Variants in ACOX2 observed in about 807,000 individuals in gnomAD.
The protein encoded by ACOX2 is acyl-CoA oxidase 2.
A neutral mutation model predicts 77.5 loss-of-function variants in ACOX2; 59 were observed. The ratio of observed to expected loss-of-function variants is 0.76; its 90% CI spans 0.62 to 0.95. The LOEUF is 0.95. Ranked by LOEUF, ACOX2 falls within the 40% of genes least tolerant of loss-of-function variation. The pLI is 0.00. For missense variants in ACOX2, 837 were observed against 880.4 expected (o/e 0.95, Z 0.62); for synonymous variants, 317 against 340.1 (o/e 0.93, Z 0.75).
At position 58,531,578 on chromosome 3, in the gene ACOX2, C is replaced by T. The variant is rs1380389820; in HGVS notation, c.703+115G>A. 21 of 1,490,072 alleles carry T rather than the reference C, an allele frequency of 1.4e-5. No homozygotes were observed. The highest frequency in any genetic ancestry group is 1.9e-5 in the Non-Finnish European group (21 of 1,103,520). 92.3% of individuals were successfully genotyped at this position (1,490,072 alleles called of 1,614,324 possible). A position where few individuals can be genotyped will look rare whatever the true frequency, so the allele number is the denominator to read the frequency against. On this transcript the variant is annotated intron_variant, in intron 6 of 14. Transcript: ENST00000302819. The surrounding 1 kb of genome is among the most constrained non-coding windows in gnomAD (Gnocchi z 5.8). ...CAAGTCTGTCCAACTGGACCGCTCC[C>T]TGCCCAAGGGAGACATGTCTTAGCT... is the stretch of plus-strand genomic sequence containing the variant.
chr3:58,505,368 G>T lies in ACOX2; in HGVS notation c.1984-82C>A. ...CTTTCACTTTCAAATTAAGTCTCTA[G>T]CTTCAAAAAGTAACATTACGTAAGA... On this transcript the variant is annotated intron_variant, in intron 14 of 14. Coordinates refer to ENST00000302819, the MANE Select transcript of ACOX2 (RefSeq NM_003500.4). The surrounding 1 kb of genome is among the most constrained non-coding windows in gnomAD (Gnocchi z 4.4). 3 of 1,111,000 alleles carry T rather than the reference G, an allele frequency of 2.7e-6. No homozygotes were observed. Among genetic ancestry groups the T allele is most frequent in the South Asian group, 1.7e-5 (1 of 59,738 alleles). The allele number at this position is 1,111,000 out of a possible 1,614,324, so 68.8% of individuals were successfully genotyped here. A position where few individuals can be genotyped will look rare whatever the true frequency, so the allele number is the denominator to read the frequency against.
intron 12 of ACOX2, among the ~76,000 whole-genome samples, chr3:58,517,792 AGGCTG>A (rs1041265374): frequency 2.6e-5 from 4 of 152,074 alleles, no homozygotes; most frequent in Non-Finnish European, 5.9e-5. Flanking sequence ...AGCTATTTTA[AGGCTG>A]GGCGCGGTGG....
At position 58,512,186 on chromosome 3, in the gene ACOX2, G is replaced by A. The variant is rs1363228893; in HGVS notation, c.1851-3161C>T. On this transcript the variant is annotated intron_variant, in intron 13 of 14. Transcript: ENST00000302819. The surrounding 1 kb of genome is among the most constrained non-coding windows in gnomAD (Gnocchi z 4.8). ...CCTCCTGTAGTCTTCCGCATTTATAGTAAATGGCAGCTCTGCCCTTCTGAC... is the reference window on the plus strand; with the variant it reads ...CCTCCTGTAGTCTTCCGCATTTATAATAAATGGCAGCTCTGCCCTTCTGAC... Among the ~76,000 whole-genome samples, 2 of 152,190 alleles carry A rather than the reference G, an allele frequency of 1.3e-5. No individual in the cohort carries two copies. The highest frequency in any genetic ancestry group is 2.9e-5 in the Non-Finnish European group (2 of 68,034).
chr3:58,531,199 G>T lies in ACOX2; in HGVS notation c.819+52C>A, dbSNP rs557984402. 5 of 1,543,348 alleles carry T rather than the reference G, an allele frequency of 3.2e-6. No individual in the cohort carries two copies. In the African/African-American group the frequency reaches 4.1e-5, roughly 13 times the overall value. On this transcript the variant is annotated intron_variant, in intron 7 of 14. Transcript: ENST00000302819. This position sits in a 1 kb window ranked among gnomAD's most constrained non-coding sequence, Gnocchi z 5.8. ...GACCCAGGCCCAGCCTGCACAAAGC[G>T]CAGGTCCCCTCTCCAGGAAGTACAA...
At position 58,505,193 on chromosome 3, in the gene ACOX2, G is replaced by A. The variant is rs780669263; in HGVS notation, c.*31C>T. On this transcript the variant is annotated 3_prime_UTR_variant, in exon 15 of 15. Transcript: ENST00000302819. This position sits in a 1 kb window ranked among gnomAD's most constrained non-coding sequence, Gnocchi z 4.4. Reference sequence around the variant, plus strand: ...CATAGTACCATTATCACATGATGGTGCTGGTTGCTTCTTGAATACTGTTGG... The same window carrying A: ...CATAGTACCATTATCACATGATGGTACTGGTTGCTTCTTGAATACTGTTGG... 6.3e-6 allele frequency: 10 copies of A among 1,576,548 alleles called. No individual in the cohort carries two copies. The highest frequency in any genetic ancestry group is 1.1e-5 in the South Asian group (1 of 88,582).
rs1318414572 is a variant in ACOX2, at chr3:58,528,089, C to T, written c.1155+705G>A. On this transcript the variant is annotated intron_variant, in intron 9 of 14. Coordinates refer to ENST00000302819, the MANE Select transcript of ACOX2 (RefSeq NM_003500.4). This position sits in a 1 kb window ranked among gnomAD's most constrained non-coding sequence, Gnocchi z 5.6. The stretch of plus-strand genomic sequence containing the variant: ...GGACAGAGGCTGCTGGGCAGCAGGA[C>T]TGCTTTCAGATTTTGGTTCTTGAAG... Among the ~76,000 whole-genome samples, 1 of 152,202 alleles carries T rather than the reference C, an allele frequency of 6.6e-6. No homozygotes were observed. Among genetic ancestry groups the T allele is most frequent in the Non-Finnish European group, 1.5e-5 (1 of 68,032 alleles).
Position 58,512,273 on chromosome 3 carries a change from C to A in ACOX2, c.1851-3248G>T, listed in dbSNP as rs899781818. 2.6e-5 allele frequency among the ~76,000 whole-genome samples: 4 copies of A among 152,230 alleles called. No individual in the cohort carries two copies. Among genetic ancestry groups the A allele is most frequent in the Non-Finnish European group, 5.9e-5 (4 of 68,046 alleles). ...ATCTAATCTGTCAGCAAATCCTGTT[C>A]TGCCTTCAAGATATATTCAAACTTC... On this transcript the variant is annotated intron_variant, in intron 13 of 14. Coordinates refer to ENST00000302819, the MANE Select transcript of ACOX2 (RefSeq NM_003500.4). The surrounding 1 kb of genome is among the most constrained non-coding windows in gnomAD (Gnocchi z 4.8).
chr3:58,524,434 C>G lies in ACOX2; in HGVS notation c.1518G>C (p.Val506=), dbSNP rs752367031. The G allele has an allele frequency of 3.1e-6, 5 of 1,613,000 alleles. No individual in the cohort carries two copies. Among genetic ancestry groups the G allele is most frequent in the Non-Finnish European group, 4.2e-6 (5 of 1,179,076 alleles). ...TCTCAGCACTGGCTTACCTTACTGC[C>G]ACATGTGCCCAGGCCGTGGTGTAGA... ...PELYTTAWAH[V]AVRLIKDSVQ... is the part of the protein sequence containing the mutation. The change falls in exon 11 of 15, where the codon GTG becomes GTC. Residue 506 remains valine, a synonymous_variant. Coordinates refer to ENST00000302819, the MANE Select transcript of ACOX2 (RefSeq NM_003500.4). This position sits in a 1 kb window ranked among gnomAD's most constrained non-coding sequence, Gnocchi z 5.5.
chr3:58,529,109 T>A, intron 8 of ACOX2, 153 bp from the exon 9 acceptor site: 1 of 709,120 alleles, frequency 1.4e-6, no homozygotes, highest in South Asian at 3.0e-5. Flanking sequence ...CCTTTAAAAA[T>A]CCCATCTAAC....
chr3:58,528,701 C>A lies in ACOX2; in HGVS notation c.1155+93G>T. ...GGGAGAGGTGGGGGTGGGGAGTGCCCATGGGGATGGGGCTGTGGCTGCTCC... is the reference window on the plus strand; with the variant it reads ...GGGAGAGGTGGGGGTGGGGAGTGCCAATGGGGATGGGGCTGTGGCTGCTCC... On this transcript the variant is annotated intron_variant, in intron 9 of 14. Transcript: ENST00000302819. The surrounding 1 kb of genome is among the most constrained non-coding windows in gnomAD (Gnocchi z 5.6). 7.0e-7 allele frequency: 1 copy of A among 1,427,378 alleles called. No homozygotes were observed. The highest frequency in any genetic ancestry group is 9.2e-7 in the Non-Finnish European group (1 of 1,082,340). 88.4% of individuals were successfully genotyped at this position (1,427,378 alleles called of 1,614,324 possible). A position where few individuals can be genotyped will look rare whatever the true frequency, so the allele number is the denominator to read the frequency against.
intron 8 of ACOX2, among the ~76,000 whole-genome samples, chr3:58,529,413 C>T (rs2063420567): frequency 6.6e-6 from 1 of 152,186 alleles, no homozygotes; most frequent in Admixed American, 6.5e-5. Context: ...TCTGATGGAA[C>T]CCCAAGGAAG....
In ACOX2 at chr3:58,528,824, A is replaced by G. The variant is rs2063415584; in HGVS notation, c.1125T>C (p.Ile375=). 1.2e-6 allele frequency: 2 copies of G among 1,612,380 alleles called. No individual in the cohort carries two copies. Among genetic ancestry groups the G allele is most frequent in the Non-Finnish European group, 1.7e-6 (2 of 1,179,272 alleles). ...LEFFQHSYTA[I]LNQDFSFLPE... ...GCAGGAAGCTGAAGTCTTGGTTCAG[A>G]ATGGCAGTGTAGGAGTGCTGGAAGA... The change falls in exon 9 of 15, where the codon ATT becomes ATC. Residue 375 remains isoleucine (I), a synonymous_variant. Coordinates refer to ENST00000302819, the MANE Select transcript of ACOX2 (RefSeq NM_003500.4). The surrounding 1 kb of genome is among the most constrained non-coding windows in gnomAD (Gnocchi z 5.6).
rs972120464 is a variant in ACOX2 at position 58,515,108 on chromosome 3, C to T, written c.1850+2098G>A. ...GTACGATCTTGGCTCACGGCAGCCT[C>T]TGCCTCCCGGGTTCAAGCGATTCTG... On this transcript the variant is annotated intron_variant, in intron 13 of 14. Transcript: ENST00000302819. The surrounding 1 kb of genome is among the most constrained non-coding windows in gnomAD (Gnocchi z 4.0). 1.8e-4 allele frequency among the ~76,000 whole-genome samples: 27 copies of T among 152,184 alleles called. No individual in the cohort carries two copies. Among genetic ancestry groups the T allele is most frequent in the African/African-American group, 6.5e-4 (27 of 41,424 alleles).
At chr3:58,509,750 C>T (rs189993620) in intron 13 of ACOX2, among the ~76,000 whole-genome samples, 149 of 150,972 alleles carry the variant, frequency 9.9e-4, no homozygotes, top group African/African-American at 3.5e-3. Context: ...GGATTACAGG[C>T]GCCTGCCACC....
At chr3:58,510,640 A>T (rs2063271916) in intron 13 of ACOX2, among the ~76,000 whole-genome samples, 1 of 25,240 alleles carries the variant, frequency 4.0e-5, no homozygotes, top group South Asian at 1.5e-3. Flanking sequence ...CTCAAAAAAA[A>T]AAAAAAAAAA....
At position 58,528,778 on chromosome 3, in the gene ACOX2, C is replaced by T. The variant is rs368167176; in HGVS notation, c.1155+16G>A. The T allele has an allele frequency of 1.9e-5, 31 of 1,593,878 alleles. No homozygotes were observed. The highest frequency in any genetic ancestry group is 1.2e-4 in the African/African-American group (9 of 74,324). ...CAGCGCCTGCCAGCGCCTGCCCCTC[C>T]GCAGACAGCAGGTACCTCAGGCAGG... is the stretch of plus-strand genomic sequence containing the variant. On this transcript the variant is annotated intron_variant, in intron 9 of 14. Coordinates refer to ENST00000302819, the MANE Select transcript of ACOX2 (RefSeq NM_003500.4). The surrounding 1 kb of genome is among the most constrained non-coding windows in gnomAD (Gnocchi z 5.6).
intron 14 of ACOX2, among the ~76,000 whole-genome samples, chr3:58,508,167 C>T (rs550838307): frequency 6.6e-6 from 1 of 152,288 alleles, no homozygotes; most frequent in Admixed American, 6.5e-5. Context: ...TACAACTTTT[C>T]CCAAAGAGGC....
chr3:58,536,129 C>T (rs1207698358), intron 1 of ACOX2, among the ~76,000 whole-genome samples: 1 of 152,078 alleles, frequency 6.6e-6, no homozygotes, highest in Non-Finnish European at 1.5e-5. Flanking sequence ...CCTATGTCAA[C>T]TTACTGCCCT....
intron 14 of ACOX2, among the ~76,000 whole-genome samples, chr3:58,506,197 A>G (rs879403428): frequency 6.6e-6 from 1 of 152,232 alleles, no homozygotes; most frequent in Non-Finnish European, 1.5e-5. Flanking sequence ...TGAATGAATC[A>G]GTAGATGTAT....
Sources: allele counts gnomAD v4.1 joint callset (sites outside exome capture counted in the v4.1 genomes callset), GRCh38; gene constraint gnomAD v4.1.1; non-coding constraint Gnocchi (gnomAD v3.1); transcripts MANE v1.5; gene names NCBI Gene and HGNC (gene_info 2026-07-23, HGNC 2026-07-21).